Variants in SMARCC1 observed in about 807,000 individuals in gnomAD.
The protein encoded by SMARCC1 is SWI/SNF related BAF chromatin remodeling complex subunit C1.
A neutral mutation model predicts 147.4 loss-of-function variants in SMARCC1; 43 were observed. The observed-to-expected ratio is 0.29, with a 90% CI of 0.23 to 0.38. SMARCC1 has a LOEUF of 0.38. SMARCC1 is among the 10% of genes least tolerant of loss of function. The pLI, the probability that SMARCC1 is intolerant of heterozygous loss-of-function variation, is 1.00. For synonymous variants in SMARCC1, 495 were observed against 484.4 expected, an observed-to-expected ratio of 1.02 and a Z score of -0.29; for missense variants, 1,119 against 1,381.1, an observed-to-expected ratio of 0.81 and a Z score of 3.01.
chr3:47,736,225 C>A, intron 4 of SMARCC1, 99 bp from the exon 5 acceptor site: 4 of 637,668 alleles, frequency 6.3e-6, no homozygotes, highest in Non-Finnish European at 1.1e-5. Flanking sequence ...ACCTTTTCTG[C>A]CACAAAAAAT....
intron 3 of SMARCC1, among the ~76,000 whole-genome samples, chr3:47,743,144 A>C (rs1032095090): frequency 6.6e-6 from 1 of 152,226 alleles, no homozygotes; most frequent in Non-Finnish European, 1.5e-5. Context: ...GAACACAGAC[A>C]AAGTTCTGAG....
intron 26 of SMARCC1, among the ~76,000 whole-genome samples, chr3:47,606,984 G>A (rs759000052): frequency 8.6e-5 from 13 of 151,934 alleles, no homozygotes; most frequent in African/African-American, 1.2e-4. Context: ...CAAAGTGCTG[G>A]GATTAATGGT....
At chr3:47,734,475 T>C (rs1330261041) in intron 5 of SMARCC1, among the ~76,000 whole-genome samples, 1 of 152,162 alleles carries the variant, frequency 6.6e-6, no homozygotes, top group East Asian at 1.9e-4. Flanking sequence ...ATACAATTGG[T>C]AATCTCTTTT....
intron 8 of SMARCC1, among the ~76,000 whole-genome samples, chr3:47,711,083 T>C (rs1476949584): frequency 6.6e-6 from 1 of 152,218 alleles, no homozygotes. Context: ...TTCATCCTTA[T>C]GTTCATGAAA....
In SMARCC1 at chr3:47,588,295, G is replaced by A. The variant is rs757836636; in HGVS notation, c.3232C>T (p.Pro1078Ser). The A allele has an allele frequency of 6.2e-7, 1 of 1,613,902 alleles. No homozygotes were observed. The highest frequency in any genetic ancestry group is 1.7e-5 in the Admixed American group (1 of 60,008). Reference protein sequence around the residue: ...TAPNGMYPPPPQQQPPPPPPA... With the variant: ...TAPNGMYPPPSQQQPPPPPPA... ...GGTGGTGGCGGTGGCTGCTGCTGTG[G>A]TGGAGGGGGATCTGCAAACATATCC... is the stretch of plus-strand genomic sequence containing the variant. The change falls in exon 28 of 28, where the codon CCA (proline) becomes TCA (serine). Residue 1078 changes from proline to serine, a missense_variant. Pro to Ser is a moderately conservative substitution (Grantham distance 74). This residue lies in a region of SMARCC1 where 186 missense variants were observed against 216.5 expected (regional missense o/e 0.86). Transcript: ENST00000254480.
intron 2 of SMARCC1, among the ~76,000 whole-genome samples, chr3:47,754,086 C>A (rs1449112399): frequency 6.6e-6 from 1 of 152,100 alleles, no homozygotes; most frequent in African/African-American, 2.4e-5. Flanking sequence ...TCACTGCTAC[C>A]GTAATAGTCT....
At chr3:47,676,485 C>A in intron 17 of SMARCC1, 144 bp downstream of exon 17, 1 of 636,062 alleles carries the variant, frequency 1.6e-6, no homozygotes, top group Non-Finnish European at 2.7e-6. Context: ...ATTTACAGTA[C>A]ACCAAAATAC....
At chr3:47,708,093 T>TTTTTTC (rs2034035711) in intron 9 of SMARCC1, among the ~76,000 whole-genome samples, 1 of 103,000 alleles carries the variant, frequency 9.7e-6, no homozygotes. Context: ...CTTTTTTTTT[T>TTTTTTC]TTTTTTTTTT....
intron 18 of SMARCC1, among the ~76,000 whole-genome samples, chr3:47,671,173 C>CAAAAAAAAAAAAAAAAAAA (rs775759680): frequency 2.1e-4 from 6 of 29,240 alleles, no homozygotes; most frequent in African/African-American, 6.6e-4. Context: ...GAGACTATCT[C>CAAAAAAAAAAAAAAAAAAA]AAAAAAAAAA....
At chr3:47,649,927 A>AAT (rs1163759480) in intron 21 of SMARCC1, among the ~76,000 whole-genome samples, 1 of 152,188 alleles carries the variant, frequency 6.6e-6, no homozygotes, top group East Asian at 1.9e-4. Context: ...ATCCTTAGGA[A>AAT]ATACATGGTG....
intron 14 of SMARCC1, among the ~76,000 whole-genome samples, chr3:47,682,425 T>C (rs1229744785): frequency 1.3e-5 from 2 of 152,128 alleles, no homozygotes; most frequent in African/African-American, 2.4e-5. Context: ...ACTACAGGCA[T>C]GTGCCATCAC....
chr3:47,706,221 A>G (rs1325984421), intron 10 of SMARCC1, among the ~76,000 whole-genome samples, 188 bp downstream of exon 10: 1 of 151,496 alleles, frequency 6.6e-6, no homozygotes, highest in Admixed American at 6.6e-5. Flanking sequence ...ACAGGCGTGC[A>G]CCACCGTGCC....
At chr3:47,671,215 A>C (rs1246031118) in intron 18 of SMARCC1, among the ~76,000 whole-genome samples, 1 of 149,826 alleles carries the variant, frequency 6.7e-6, no homozygotes, top group Non-Finnish European at 1.5e-5. Flanking sequence ...CAAAAACCAA[A>C]ACCAAAAAAG....
intron 21 of SMARCC1, among the ~76,000 whole-genome samples, chr3:47,654,359 G>A (rs1281212984): frequency 6.6e-6 from 1 of 152,154 alleles, no homozygotes; most frequent in Non-Finnish European, 1.5e-5. Context: ...ACGTGACTTC[G>A]CCTGCTAATT....
chr3:47,643,185 C>G (rs1175195142), intron 21 of SMARCC1, among the ~76,000 whole-genome samples: 1 of 152,200 alleles, frequency 6.6e-6, no homozygotes, highest in Non-Finnish European at 1.5e-5. Context: ...CCTTCACGGA[C>G]AAATTCATCT....
chr3:47,597,167 AAG>A (rs941561591), intron 26 of SMARCC1, among the ~76,000 whole-genome samples: 2 of 150,056 alleles, frequency 1.3e-5, no homozygotes, highest in Non-Finnish European at 1.5e-5. Flanking sequence ...AAAAAAAAAA[AAG>A]AGAGAGAGAT....
chr3:47,635,430 G>T (rs928457978), intron 23 of SMARCC1, 86 bp from the exon 24 acceptor site: 2 of 1,143,614 alleles, frequency 1.7e-6, no homozygotes, highest in Non-Finnish European at 2.6e-6. Flanking sequence ...TAACAAACTA[G>T]GACTGATATG....
chr3:47,728,444 T>C (rs2034327217), intron 6 of SMARCC1, among the ~76,000 whole-genome samples: 1 of 152,204 alleles, frequency 6.6e-6, no homozygotes, highest in Non-Finnish European at 1.5e-5. Flanking sequence ...GTGTACTTTC[T>C]ACATCATTAA....
At chr3:47,588,439 G>T in intron 27 of SMARCC1, 133 bp from the exon 28 acceptor site, 1 of 755,976 alleles carries the variant, frequency 1.3e-6, no homozygotes, top group Non-Finnish European at 2.3e-6. Context: ...GTGAGGCATT[G>T]ATTCCACTGT....
Sources: gnomAD v4.1 joint callset for allele counts (sites outside exome capture counted in the v4.1 genomes callset) on GRCh38, gnomAD v4.1.1 for gene constraint, gnomAD v4.1.1 regional missense constraint, MANE v1.5 for transcripts, NCBI Gene and HGNC (gene_info 2026-07-23, HGNC 2026-07-21) for gene names.